CAMTA1: variants seen among roughly 807,000 people sequenced by gnomAD.
The protein encoded by CAMTA1 is calmodulin-binding transcription activator 1.
A neutral mutation model predicts 170.9 loss-of-function variants in CAMTA1; 27 were observed. The observed-to-expected ratio is 0.16, with a 90% CI of 0.12 to 0.22. The LOEUF (loss-of-function observed/expected upper bound fraction) is 0.22, where lower values mean the gene tolerates loss of function less well. CAMTA1 is among the 10% of genes least tolerant of loss of function. The pLI is 1.00. For synonymous variants in CAMTA1, 833 were observed against 891.5 expected, an observed-to-expected ratio of 0.93 and a Z score of 1.17; for missense variants, 1,619 against 2,217.2, an observed-to-expected ratio of 0.73 and a Z score of 5.42.
intron 5 of CAMTA1, among the ~76,000 whole-genome samples, chr1:7,418,342 C>T (rs1388771493): frequency 6.6e-6 from 1 of 152,062 alleles, no homozygotes; most frequent in Non-Finnish European, 1.5e-5. Context: ...ATTACAGGTG[C>T]CCACCACCAA....
At chr1:7,460,877 TG>T (rs2093068806) in intron 5 of CAMTA1, among the ~76,000 whole-genome samples, 1 of 152,050 alleles carries the variant, frequency 6.6e-6, no homozygotes, top group Admixed American at 6.5e-5. Context: ...GGCAGAGAGA[TG>T]GGCCCAGTGG....
At chr1:7,491,088 A>G (rs1367879445) in intron 6 of CAMTA1, among the ~76,000 whole-genome samples, 1 of 152,204 alleles carries the variant, frequency 6.6e-6, no homozygotes, top group African/African-American at 2.4e-5. Flanking sequence ...TTCCAAAACA[A>G]AAAGGAGGCT....
At chr1:7,669,245 G>A (rs975196768) in intron 9 of CAMTA1, among the ~76,000 whole-genome samples, 1 of 152,240 alleles carries the variant, frequency 6.6e-6, no homozygotes, top group Non-Finnish European at 1.5e-5. Context: ...TGCAAGAGCA[G>A]GGGTGGAATA....
intron 3 of CAMTA1, among the ~76,000 whole-genome samples, chr1:7,035,194 G>T (rs1703407572): frequency 1.3e-5 from 2 of 152,038 alleles, no homozygotes; most frequent in Admixed American, 1.3e-4. Context: ...CTGAGGTCAG[G>T]AGTTTGAGAC....
intron 6 of CAMTA1, among the ~76,000 whole-genome samples, chr1:7,517,770 G>A (rs1043653831): frequency 4.0e-5 from 6 of 151,898 alleles, no homozygotes; most frequent in African/African-American, 7.3e-5. Flanking sequence ...GAGAGAACAC[G>A]ATATCCATTC....
intron 6 of CAMTA1, among the ~76,000 whole-genome samples, chr1:7,486,584 C>T: frequency 6.6e-6 from 1 of 152,208 alleles, no homozygotes; most frequent in East Asian, 1.9e-4. Flanking sequence ...CTTTAGGCCT[C>T]TGAGACCTGA....
chr1:6,955,005 G>A (rs1689190970), intron 3 of CAMTA1, among the ~76,000 whole-genome samples: 1 of 152,098 alleles, frequency 6.6e-6, no homozygotes, highest in Admixed American at 6.5e-5. Flanking sequence ...GAAGAGCTTC[G>A]TGTTTATTGA....
chr1:7,757,576 G>A (rs1355749543), intron 22 of CAMTA1, among the ~76,000 whole-genome samples: 1 of 152,124 alleles, frequency 6.6e-6, no homozygotes, highest in Non-Finnish European at 1.5e-5. Flanking sequence ...AGACCAGCCT[G>A]GCCAACGTGG....
At chr1:7,647,155 C>A (rs971805888) in intron 7 of CAMTA1, among the ~76,000 whole-genome samples, 1 of 152,152 alleles carries the variant, frequency 6.6e-6, no homozygotes, top group African/African-American at 2.4e-5. Flanking sequence ...GATCCCCAGA[C>A]CCCCAGCCTC....
chr1:7,532,143 C>T lies in CAMTA1; in HGVS notation c.510+64242C>T, dbSNP rs1302303009. Among the ~76,000 whole-genome samples, 4 of 151,946 alleles carry T rather than the reference C, an allele frequency of 2.6e-5. No individual in the cohort carries two copies. Among genetic ancestry groups the T allele is most frequent in the East Asian group, 1.9e-4 (1 of 5,174 alleles). On this transcript the variant is annotated intron_variant, in intron 6 of 22. Transcript: ENST00000303635. The surrounding 1 kb of genome is among the most constrained non-coding windows in gnomAD (Gnocchi z 4.2). ...GTACCTGGAGGCTCCCGGGCCCACC[C>T]GAGCCCTAAGCTGCAGCCCTTGGGA...
intron 4 of CAMTA1, among the ~76,000 whole-genome samples, chr1:7,118,536 A>C (rs1644469570): frequency 1.3e-5 from 2 of 151,750 alleles, no homozygotes; most frequent in Admixed American, 6.6e-5. Context: ...CAAGAGTGGG[A>C]TGGCTGTTGG....
rs2094815567 is a variant in CAMTA1 at position 7,552,426 on chromosome 1, A to C, written c.510+84525A>C. ...ATTCCCAGTTGTGTTCACTGGGAAC[A>C]GTGGATGTGCCTGTCTCGGCCAGAC... On this transcript the variant is annotated intron_variant, in intron 6 of 22. Coordinates refer to ENST00000303635, the MANE Select transcript of CAMTA1 (RefSeq NM_015215.4). Among the ~76,000 whole-genome samples the C allele has an allele frequency of 2.0e-5, 3 of 152,304 alleles. 1 individual carries two copies. Among genetic ancestry groups the C allele is most frequent in the South Asian group, 4.1e-4 (2 of 4,830 alleles).
chr1:7,553,590 C>T (rs1036140698), intron 6 of CAMTA1, among the ~76,000 whole-genome samples: 3 of 152,238 alleles, frequency 2.0e-5, no homozygotes, highest in Non-Finnish European at 4.4e-5. Context: ...CAGAACCTGG[C>T]TCAGAGGTGA....
At chr1:6,957,936 C>T (rs1457156581) in intron 3 of CAMTA1, among the ~76,000 whole-genome samples, 1 of 152,188 alleles carries the variant, frequency 6.6e-6, no homozygotes, top group Non-Finnish European at 1.5e-5. Flanking sequence ...GCTGGTCCTA[C>T]AGGAAATCAG....
chr1:7,415,149 T>G (rs2091071294), intron 5 of CAMTA1, among the ~76,000 whole-genome samples: 1 of 152,104 alleles, frequency 6.6e-6, no homozygotes, highest in Non-Finnish European at 1.5e-5. Flanking sequence ...TCTGTTCTTT[T>G]ACATTTGCTG....
At chr1:7,691,684 G>T (rs1387236877) in intron 11 of CAMTA1, among the ~76,000 whole-genome samples, 1 of 152,172 alleles carries the variant, frequency 6.6e-6, no homozygotes, top group Admixed American at 6.5e-5. Context: ...TGGGACATCT[G>T]TGTGAAAAGT....
At chr1:6,964,451 A>G (rs1691164700) in intron 3 of CAMTA1, among the ~76,000 whole-genome samples, 1 of 152,126 alleles carries the variant, frequency 6.6e-6, no homozygotes, top group Admixed American at 6.5e-5. Context: ...AACTTGGAAG[A>G]ACTGTGCCTA....
intron 5 of CAMTA1, among the ~76,000 whole-genome samples, chr1:7,303,881 C>T (rs1675174146): frequency 1.3e-5 from 2 of 152,144 alleles, no homozygotes. Context: ...ATTACAACAG[C>T]AAGCGAAAGC....
At chr1:7,097,798 T>C (rs1181354398) in intron 4 of CAMTA1, among the ~76,000 whole-genome samples, 1 of 152,078 alleles carries the variant, frequency 6.6e-6, no homozygotes, top group Non-Finnish European at 1.5e-5. Context: ...GGATCTAGAA[T>C]AGTCAGCTCT....
Sources: gnomAD v4.1 joint callset for allele counts (sites outside exome capture counted in the v4.1 genomes callset) on GRCh38, gnomAD v4.1.1 for gene constraint, Gnocchi (gnomAD v3.1) non-coding constraint, MANE v1.5 for transcripts, NCBI Gene and HGNC (gene_info 2026-07-23, HGNC 2026-07-21) for gene names.